The following TPPP variants were observed in gnomAD, a reference collection of about 807,000 sequenced individuals.
TPPP encodes the protein tubulin polymerization promoting protein, also known as tubulin polymerization-promoting protein.
A neutral mutation model predicts 15.5 loss-of-function variants in TPPP; 6 were observed. The observed-to-expected ratio is 0.39, with a 90% confidence interval of 0.21 to 0.77. The LOEUF is 0.77. Among genes scored for constraint, TPPP ranks in the 30% least tolerant of loss-of-function variants. The probability of loss-of-function intolerance (pLI) is 0.42; values close to 1 mark genes in which losing one functional copy is unlikely to be tolerated. For missense variants in TPPP, 269 were observed against 307.2 expected (o/e 0.88, Z 0.93); for synonymous variants, 146 against 133.9 (o/e 1.09, Z -0.63).
chr5:677,742 G>T lies in TPPP; in HGVS notation c.311+8C>A. The stretch of plus-strand genomic sequence containing the variant: ...AGGTCCCTCGGCCCGTGAGCCCAGC[G>T]CACTCACTTGATCTTGCTGAAGACG... On this transcript the variant is annotated splice_region_variant and intron_variant, in intron 2 of 3. Transcript: ENST00000360578. 2.6e-6 allele frequency: 4 copies of T among 1,546,274 alleles called. No homozygotes were observed. Among genetic ancestry groups the T allele is most frequent in the Non-Finnish European group, 2.6e-6 (3 of 1,144,712 alleles).
Position 665,978 on chromosome 5 carries a change from CT to C in TPPP, c.456del (p.Val154Ter). ...ATCCCCGCCCTGCTCACCGTCACCC[CT>C]GAGATGATGGGCGCCTTGCCCTCGA... ...RLIEGKAPII[S>X]GVTKAISSPT... On this transcript the variant is annotated frameshift_variant, in exon 3 of 4. Coordinates refer to ENST00000360578, the MANE Select transcript of TPPP (RefSeq NM_007030.3). LOFTEE classifies it high-confidence loss of function. 1 of 1,599,212 alleles carries C rather than the reference CT, an allele frequency of 6.3e-7. No individual in the cohort carries two copies.
At chr5:700,533 C>T in the TPPP span, among the ~76,000 whole-genome samples, 1 of 151,966 alleles carries the variant, frequency 6.6e-6, no homozygotes, top group Non-Finnish European at 1.5e-5. Flanking sequence ...CCAGATGTCA[C>T]CACTATGCAA....
In TPPP at chr5:677,826, G is replaced by C. The variant is rs757517768; in HGVS notation, c.235C>G (p.Leu79Val). Residue 79 changes from leucine (L) to valine (V), a missense_variant, in exon 2 of 4, where the codon CTG (leucine) becomes GTG (valine). By Grantham distance (32) the Leu-to-Val change is conservative (BLOSUM62 1). Coordinates refer to ENST00000360578, the MANE Select transcript of TPPP (RefSeq NM_007030.3). ...TCGATCACCTGGCAGTCCTTGCACAGCTTCGACCAGTTCTTGCCGTGCATC... is the reference window on the plus strand; with the variant it reads ...TCGATCACCTGGCAGTCCTTGCACACCTTCGACCAGTTCTTGCCGTGCATC... ...REMHGKNWSKLCKDCQVIDGR... is the reference protein window; with the variant it reads ...REMHGKNWSKVCKDCQVIDGR... The C allele has an allele frequency of 1.9e-6, 3 of 1,611,900 alleles. No individual in the cohort carries two copies. Among genetic ancestry groups the C allele is most frequent in the East Asian group, 4.5e-5 (2 of 44,854 alleles).
At chr5:695,644 G>A (rs1369832850), upstream of TPPP, among the ~76,000 whole-genome samples, 2 of 151,738 alleles carry the variant, frequency 1.3e-5, no homozygotes, top group African/African-American at 2.4e-5. Context: ...GGTGGTGGCC[G>A]CATGGCTCCA....
chr5:692,948 G>C, intron 1 of TPPP: 1 of 815,196 alleles, frequency 1.2e-6, no homozygotes, highest in Non-Finnish European at 1.5e-6. Flanking sequence ...GGGCTGCAGG[G>C]GCGTCCGTGG....
Position 660,228 on chromosome 5 carries a change from T to TAA in TPPP, c.*4872_*4873dup, listed in dbSNP as rs1554019940. On this transcript the variant is annotated 3_prime_UTR_variant, in exon 4 of 4. Coordinates refer to ENST00000360578, the MANE Select transcript of TPPP (RefSeq NM_007030.3). ...ACATATATATATATATATATATATA[T>TAA]AAATTTGTTTCCCTTTCTTGAAAAA... The TAA allele has an allele frequency of 3.4e-5, 5 of 148,124 alleles. No individual in the cohort carries two copies. The East Asian group carries it at 1.0e-3, about 31-fold the overall frequency. 9.2% of individuals were successfully genotyped at this position (148,124 alleles called of 1,614,324 possible). A position where few individuals can be genotyped will look rare whatever the true frequency, so the allele number is the denominator to read the frequency against.
upstream of TPPP, among the ~76,000 whole-genome samples, chr5:694,242 CG>C (rs1228204205): frequency 6.6e-6 from 1 of 151,808 alleles, no homozygotes; most frequent in Non-Finnish European, 1.5e-5. Context: ...CACAAGGTTC[CG>C]GGGCCGAGAT....
Position 660,188 on chromosome 5 carries a change from G to C in TPPP, c.*4914C>G, listed in dbSNP as rs1739524967. On this transcript the variant is annotated 3_prime_UTR_variant, in exon 4 of 4. Coordinates refer to ENST00000360578, the MANE Select transcript of TPPP (RefSeq NM_007030.3). The stretch of plus-strand genomic sequence containing the variant: ...TACTCCCTAATGTTAATCACACAGT[G>C]TAAAAATATATTGCACATATATATA... The C allele has an allele frequency of 6.8e-6, 1 of 146,488 alleles. No individual in the cohort carries two copies. Among genetic ancestry groups the C allele is most frequent in the African/African-American group, 2.6e-5 (1 of 39,004 alleles). 9.1% of individuals were successfully genotyped at this position (146,488 alleles called of 1,614,324 possible).
At chr5:693,253 G>C (rs375402157) in intron 1 of TPPP, 25 bp downstream of exon 1, 1 of 148,710 alleles carries the variant, frequency 6.7e-6, no homozygotes, top group African/African-American at 2.5e-5. Context: ...CCGCGCCCGC[G>C]GGACCGAGCC....
chr5:669,315 GC>G (rs1322617347), intron 2 of TPPP, among the ~76,000 whole-genome samples: 1 of 151,416 alleles, frequency 6.6e-6, no homozygotes, highest in Non-Finnish European at 1.5e-5. Flanking sequence ...CAGCTCTGTG[GC>G]GTGGGGGTCC....
chr5:664,869 G>A lies in TPPP; in HGVS notation c.*233C>T. ...TTTGGAAATGGCTGAGGACGAGGCAGGTGTATTAGGAGGGTCAGCGAACTG... is the reference window on the plus strand; with the variant it reads ...TTTGGAAATGGCTGAGGACGAGGCAAGTGTATTAGGAGGGTCAGCGAACTG... On this transcript the variant is annotated 3_prime_UTR_variant, in exon 4 of 4. Coordinates refer to ENST00000360578, the MANE Select transcript of TPPP (RefSeq NM_007030.3). 1 of 555,988 alleles carries A rather than the reference G, an allele frequency of 1.8e-6. No homozygotes were observed. 34.4% of individuals were successfully genotyped at this position (555,988 alleles called of 1,614,324 possible).
chr5:698,225 T>G (rs1741047148), upstream of TPPP, among the ~76,000 whole-genome samples: 1 of 151,970 alleles, frequency 6.6e-6, no homozygotes, highest in Non-Finnish European at 1.5e-5. Flanking sequence ...GGGGGAAAAG[T>G]TGAAAGTATT....
intron 1 of TPPP, among the ~76,000 whole-genome samples, chr5:679,812 A>C (rs1483334698): frequency 6.0e-5 from 9 of 151,220 alleles, no homozygotes; most frequent in Admixed American, 5.9e-4. Flanking sequence ...GCCTGGGAGC[A>C]AAGGGATGAG....
Position 677,766 on chromosome 5 carries a change from C to T in TPPP, c.295G>A (p.Val99Ile), listed in dbSNP as rs374117987. The T allele has an allele frequency of 2.7e-5, 43 of 1,571,708 alleles. No individual in the cohort carries two copies. The highest frequency in any genetic ancestry group is 2.1e-4 in the South Asian group (18 of 85,494). Residue 99 changes from valine (V) to isoleucine (I), a missense_variant, in exon 2 of 4, where the codon GTC (valine) becomes ATC (isoleucine). Val to Ile is a conservative substitution (Grantham distance 29, BLOSUM62 3). Transcript: ENST00000360578. Reference protein sequence around the residue: ...RNVTVTDVDIVFSKIKGKSCR... With the variant: ...RNVTVTDVDIIFSKIKGKSCR... ...CGCACTCACTTGATCTTGCTGAAGACGATGTCCACGTCAGTGACGGTCACG... is the reference window on the plus strand; with the variant it reads ...CGCACTCACTTGATCTTGCTGAAGATGATGTCCACGTCAGTGACGGTCACG...
At chr5:697,279 G>A (rs1164160388), upstream of TPPP, among the ~76,000 whole-genome samples, 1 of 87,246 alleles carries the variant, frequency 1.1e-5, no homozygotes, top group South Asian at 4.0e-4. Flanking sequence ...GATGAGGAGG[G>A]GAAGCCAAAT....
At chr5:669,309 T>C (rs1015164464) in intron 2 of TPPP, among the ~76,000 whole-genome samples, 1 of 151,638 alleles carries the variant, frequency 6.6e-6, no homozygotes, top group Non-Finnish European at 1.5e-5. Context: ...CCTGGGCAGC[T>C]CTGTGGCGTG....
At chr5:665,317 AG>A (rs748641760) in intron 3 of TPPP, 21 bp from the exon 4 acceptor site, 1 of 1,604,532 alleles carries the variant, frequency 6.2e-7, no homozygotes, top group Admixed American at 1.7e-5. Context: ...AGCAGGAGGA[AG>A]GGGGCAGGTG....
chr5:676,885 C>T (rs1278367802), intron 2 of TPPP, among the ~76,000 whole-genome samples: 1 of 132,428 alleles, frequency 7.6e-6, no homozygotes, highest in Non-Finnish European at 1.5e-5. Context: ...CATGCACACA[C>T]GACGCAGAAA....
upstream of TPPP, among the ~76,000 whole-genome samples, chr5:694,249 G>A (rs529217731): frequency 1.3e-5 from 2 of 151,878 alleles, no homozygotes; most frequent in Admixed American, 1.3e-4. Context: ...TTCCGGGGCC[G>A]AGATGACAGG....
Sources: gnomAD v4.1 joint callset for allele counts (sites outside exome capture counted in the v4.1 genomes callset) on GRCh38, gnomAD v4.1.1 for gene constraint, MANE v1.5 for transcripts, NCBI Gene and HGNC (gene_info 2026-07-23, HGNC 2026-07-21) for gene names.